Variants in SCN1A observed in about 807,000 individuals in gnomAD.
SCN1A encodes the protein sodium voltage-gated channel alpha subunit 1.
A neutral mutation model predicts 193.7 loss-of-function variants in SCN1A; 13 were observed. The ratio of observed to expected loss-of-function variants is 0.07; its 90% CI spans 0.04 to 0.11. The LOEUF (loss-of-function observed/expected upper bound fraction) is 0.11. Among genes scored for constraint, SCN1A ranks in the 10% least tolerant of loss-of-function variants. The probability of loss-of-function intolerance (pLI) is 1.00; values close to 1 mark genes in which losing one functional copy is unlikely to be tolerated. For synonymous variants in SCN1A, 781 were observed against 843.6 expected (o/e 0.93, Z 1.29); for missense variants, 1,432 against 2,451.1 (o/e 0.58, Z 8.78).
At position 166,041,080 on chromosome 2, in the gene SCN1A, G is replaced by C. The variant is rs554487618; in HGVS notation, c.2415+151C>G. On this transcript the variant is annotated intron_variant, in intron 16 of 28. Transcript: ENST00000674923. The stretch of plus-strand genomic sequence containing the variant: ...AAGGGTGATTATTTTTGGCAAAAAA[G>C]TAGAGTATAGCCAGCTAAATATAAT... The C allele has an allele frequency of 2.6e-4, 175 of 667,526 alleles. No individual in the cohort carries two copies. The East Asian group carries it at 4.7e-3, about 18-fold the overall frequency. 41.4% of individuals were successfully genotyped at this position (667,526 alleles called of 1,614,324 possible). A position where few individuals can be genotyped will look rare whatever the true frequency, so the allele number is the denominator to read the frequency against.
At chr2:166,072,649 A>G (rs1030441645) in intron 4 of SCN1A, among the ~76,000 whole-genome samples, 1 of 152,140 alleles carries the variant, frequency 6.6e-6, no homozygotes, top group African/African-American at 2.4e-5. Flanking sequence ...AAAAATTAGT[A>G]CTAATATTTT....
At chr2:166,089,093 C>T (rs1464983294) in intron 2 of SCN1A, among the ~76,000 whole-genome samples, 1 of 152,072 alleles carries the variant, frequency 6.6e-6, no homozygotes, top group Non-Finnish European at 1.5e-5. Flanking sequence ...TAGGTATACA[C>T]GTGCCTTGGT....
At position 166,029,414 on chromosome 2, in the gene SCN1A, A is replaced by T. The variant is rs555268428; in HGVS notation, c.3429+6634T>A. Among the ~76,000 whole-genome samples the T allele has an allele frequency of 8.9e-4, 135 of 152,198 alleles. 1 individual carries two copies. Among genetic ancestry groups the T allele is most frequent in the Middle Eastern group, 6.8e-3 (2 of 292 alleles). On this transcript the variant is annotated intron_variant, in intron 19 of 28. Transcript: ENST00000674923. ...GTGGACAAAGATAGGTAGCTTTGGC[A>T]GTCCCTAGTGATCAATTAGAAGTAG...
intron 5 of SCN1A, among the ~76,000 whole-genome samples, chr2:166,058,239 A>G (rs1033564978): frequency 6.6e-6 from 1 of 152,116 alleles, no homozygotes; most frequent in East Asian, 1.9e-4. Flanking sequence ...ATTCTACACC[A>G]TCACAAACTT....
chr2:166,007,766 C>A (rs78816459), intron 23 of SCN1A, among the ~76,000 whole-genome samples: 1 of 151,478 alleles, frequency 6.6e-6, no homozygotes, highest in African/African-American at 2.4e-5. Flanking sequence ...GCCTGAGTTA[C>A]GCTTTGACGC....
chr2:166,130,651 A>G (rs78690924), upstream of SCN1A, among the ~76,000 whole-genome samples: 3,162 of 152,302 alleles, frequency 0.021, 64 homozygotes, highest in Non-Finnish European at 0.035. Context: ...TCATTTGACA[A>G]GTTGAAAGCA....
chr2:166,088,476 G>GT (rs1336506921), intron 2 of SCN1A, among the ~76,000 whole-genome samples: 1 of 151,994 alleles, frequency 6.6e-6, no homozygotes, highest in Non-Finnish European at 1.5e-5. Context: ...ATATCAATAT[G>GT]TTTTCTAACA....
intron 9 of SCN1A, 48 bp from the exon 10 acceptor site, chr2:166,048,997 A>C (rs767560499): frequency 8.5e-7 from 1 of 1,173,196 alleles, no homozygotes. Flanking sequence ...ATTGTTAAAA[A>C]CACTCAAATG....
intron 4 of SCN1A, among the ~76,000 whole-genome samples, chr2:166,066,371 A>G (rs762321458): frequency 1.3e-5 from 2 of 152,146 alleles, no homozygotes; most frequent in Non-Finnish European, 2.9e-5. Context: ...CTGTGTGAGA[A>G]CTATGAGCAA....
chr2:166,100,044 C>T (rs1389021053), intron 2 of SCN1A, among the ~76,000 whole-genome samples: 7 of 118,366 alleles, frequency 5.9e-5, no homozygotes, highest in South Asian at 5.7e-4. Flanking sequence ...AAAAAGAGCC[C>T]GCATCGCCAA....
rs531025473 is a variant in SCN1A, at chr2:166,017,544, G to T, written c.3430-1817C>A. On this transcript the variant is annotated intron_variant, in intron 19 of 28. Coordinates refer to ENST00000674923, the MANE Select transcript of SCN1A (RefSeq NM_001165963.4). ...GCTAAGACTTGTCACTTCAACAAGT[G>T]CCTTCATATTTTAAAAATGACCTTG... Among the ~76,000 whole-genome samples, 6 of 152,074 alleles carry T rather than the reference G, an allele frequency of 3.9e-5. 1 individual carries two copies. The highest frequency in any genetic ancestry group is 3.4e-3 in the Middle Eastern group (1 of 294).
In SCN1A at chr2:165,988,490, G is replaced by T. The variant is rs768734720; in HGVS notation, c.*2755C>A. ...GGAGCAAGGGGAGGAGTGATTACCTGACCCCAGAGAAAGTAGCTTCAGTTG... is the reference window on the plus strand; with the variant it reads ...GGAGCAAGGGGAGGAGTGATTACCTTACCCCAGAGAAAGTAGCTTCAGTTG... On this transcript the variant is annotated 3_prime_UTR_variant, in exon 29 of 29. Coordinates refer to ENST00000674923, the MANE Select transcript of SCN1A (RefSeq NM_001165963.4). 5.9e-5 allele frequency: 9 copies of T among 152,314 alleles called. No homozygotes were observed. The highest frequency in any genetic ancestry group is 1.3e-4 in the Non-Finnish European group (9 of 68,124). The allele number at this position is 152,314 out of a possible 1,614,324, so 9.4% of individuals were successfully genotyped here. A position where few individuals can be genotyped will look rare whatever the true frequency, so the allele number is the denominator to read the frequency against.
rs199992823 is a variant in SCN1A at position 165,991,960 on chromosome 2, A to G, written c.5315T>C (p.Ile1772Thr). The change falls in exon 29 of 29, where the codon ATA (isoleucine) becomes ACA (threonine). Residue 1772 changes from isoleucine (I) to threonine (T), a missense_variant. Physicochemically the swap from Ile to Thr is moderately conservative, Grantham distance 89 (BLOSUM62 -1). Around this residue, in one of 18 missense-constraint regions of SCN1A, gnomAD observed 6 missense variants for 48.3 expected, o/e 0.12. Coordinates refer to ENST00000674923, the MANE Select transcript of SCN1A (RefSeq NM_001165963.4). ...CATGTTCACCACAACCAGGAAGGAT[A>G]TGATGATGTAACTGACAAAAAAGAA... Reference protein sequence around the residue: ...GIFFFVSYIIISFLVVVNMYI... With the variant: ...GIFFFVSYIITSFLVVVNMYI... 7.4e-6 allele frequency: 12 copies of G among 1,613,974 alleles called. No individual in the cohort carries two copies. Among genetic ancestry groups the G allele is most frequent in the Non-Finnish European group, 1.0e-5 (12 of 1,179,940 alleles).
At chr2:166,034,107 A>G (rs1696014156) in intron 19 of SCN1A, among the ~76,000 whole-genome samples, 1 of 68,766 alleles carries the variant, frequency 1.5e-5, no homozygotes, top group African/African-American at 7.4e-5. Context: ...TGATAAAAAC[A>G]GTCTATTTTT....
chr2:166,106,044 G>A (rs906683748), intron 2 of SCN1A, among the ~76,000 whole-genome samples: 8 of 152,208 alleles, frequency 5.3e-5, no homozygotes, highest in South Asian at 2.1e-4. Flanking sequence ...AAAATGAGCC[G>A]GGCTGGGTGG....
intron 23 of SCN1A, among the ~76,000 whole-genome samples, chr2:166,004,022 G>A (rs1691309166): frequency 6.6e-6 from 1 of 151,502 alleles, no homozygotes; most frequent in Non-Finnish European, 1.5e-5. Flanking sequence ...AAGGTGGAGG[G>A]GATGAGTATG....
In SCN1A at chr2:166,039,489, C is replaced by A. The variant is rs1165918262; in HGVS notation, c.2523G>T (p.Thr841=). 2 of 1,612,654 alleles carry A rather than the reference C, an allele frequency of 1.2e-6. No homozygotes were observed. The highest frequency in any genetic ancestry group is 1.7e-6 in the Non-Finnish European group (2 of 1,179,784). ...CGAGTCCAAGTTCTACCAGGCTAAG[C>A]GTCACAATAAAACCGTCAAAGATAT... The part of the protein sequence containing the change: ...GWNIFDGFIV[T]LSLVELGLAN... The change falls in exon 17 of 29, where the codon ACG becomes ACT. Residue 841 remains threonine, a synonymous_variant. Transcript: ENST00000674923.
intron 2 of SCN1A, among the ~76,000 whole-genome samples, chr2:166,113,016 C>T (rs955253148): frequency 3.3e-5 from 5 of 152,132 alleles, no homozygotes; most frequent in Admixed American, 2.6e-4. Context: ...TGTTGTAGCA[C>T]ATTATTGAAC....
intron 4 of SCN1A, among the ~76,000 whole-genome samples, chr2:166,064,276 A>C (rs1386798756): frequency 6.6e-6 from 1 of 152,170 alleles, no homozygotes; most frequent in Non-Finnish European, 1.5e-5. Context: ...TACTTAGCTC[A>C]TAGAGGTAAT....
Sources: gnomAD v4.1 joint callset for allele counts (sites outside exome capture counted in the v4.1 genomes callset) on GRCh38, gnomAD v4.1.1 for gene constraint, gnomAD v4.1.1 regional missense constraint, MANE v1.5 for transcripts, NCBI Gene and HGNC (gene_info 2026-07-23, HGNC 2026-07-21) for gene names.